CGNL1: variants seen among roughly 807,000 people sequenced by gnomAD.
CGNL1 encodes cingulin-like protein 1.
Under a neutral mutation model 141.2 loss-of-function variants are expected in CGNL1, and 132 were observed. The ratio of observed to expected loss-of-function variants is 0.93; its 90% CI spans 0.81 to 1.08. The LOEUF (loss-of-function observed/expected upper bound fraction) is 1.08. Ranked by LOEUF, CGNL1 falls within the 50% of genes least tolerant of loss-of-function variation. The pLI is 0.00. For missense variants in CGNL1, 1,870 were observed against 1,588.6 expected (o/e 1.18, Z -3.01); for synonymous variants, 690 against 622.1 (o/e 1.11, Z -1.63).
intron 1 of CGNL1, among the ~76,000 whole-genome samples, chr15:57,391,981 CT>C (rs1555429679): frequency 1.4e-3 from 207 of 151,168 alleles, no homozygotes; most frequent in South Asian, 7.2e-3. Context: ...TTTCCCCCCC[CT>C]CACCTGACAC....
intron 4 of CGNL1, among the ~76,000 whole-genome samples, chr15:57,450,566 C>G (rs1300891487): frequency 3.9e-5 from 6 of 152,118 alleles, no homozygotes; most frequent in Non-Finnish European, 5.9e-5. Flanking sequence ...ATGAGCCGCC[C>G]CACCCAGCCT....
chr15:57,401,154 T>C (rs1317882941), intron 1 of CGNL1, among the ~76,000 whole-genome samples: 3 of 152,158 alleles, frequency 2.0e-5, no homozygotes, highest in East Asian at 3.8e-4. Flanking sequence ...TTTTTGTTGG[T>C]TGTTTTTAAT....
At chr15:57,387,550 G>A (rs2062497033) in intron 1 of CGNL1, among the ~76,000 whole-genome samples, 1 of 152,180 alleles carries the variant, frequency 6.6e-6, no homozygotes, top group African/African-American at 2.4e-5. Context: ...AGAATTAGCA[G>A]CAGGAGCACA....
intron 1 of CGNL1, among the ~76,000 whole-genome samples, chr15:57,418,635 C>G (rs966253601): frequency 3.9e-5 from 6 of 152,180 alleles, no homozygotes; most frequent in Non-Finnish European, 5.9e-5. Flanking sequence ...TGCTCATAAT[C>G]ACACCCTACC....
intron 1 of CGNL1, among the ~76,000 whole-genome samples, chr15:57,434,978 C>G (rs927508063): frequency 6.6e-6 from 1 of 151,984 alleles, no homozygotes; most frequent in Admixed American, 6.6e-5. Flanking sequence ...CAATGAGACC[C>G]TAATATAGGG....
At chr15:57,406,261 C>T (rs991152886) in intron 1 of CGNL1, among the ~76,000 whole-genome samples, 36 of 152,114 alleles carry the variant, frequency 2.4e-4, no homozygotes, top group African/African-American at 8.7e-4. Context: ...GGGAAGGGCA[C>T]TGTGAAGAGG....
intron 8 of CGNL1, 65 bp downstream of exon 8, chr15:57,461,957 A>G (rs773867993): frequency 4.5e-5 from 52 of 1,166,588 alleles, no homozygotes; most frequent in Non-Finnish European, 6.0e-5. Flanking sequence ...TCTCTCCCAC[A>G]CCACTGCAAA....
intron 16 of CGNL1, among the ~76,000 whole-genome samples, chr15:57,545,158 A>C (rs1666570): frequency 0.67 from 102,015 of 152,108 alleles, 34,531 homozygotes; most frequent in Admixed American, 0.71. Flanking sequence ...GCCTTCCAGC[A>C]GTCGTTCTGA....
At chr15:57,537,489 T>G (rs2032324519) in intron 14 of CGNL1, among the ~76,000 whole-genome samples, 1 of 152,128 alleles carries the variant, frequency 6.6e-6, no homozygotes, top group Non-Finnish European at 1.5e-5. Flanking sequence ...CTGCCTTTTA[T>G]TGTATCAGCT....
intron 8 of CGNL1, among the ~76,000 whole-genome samples, chr15:57,487,808 C>T (rs2942034): frequency 0.92 from 140,767 of 152,222 alleles, 65,640 homozygotes; most frequent in Non-Finnish European, 0.99. Flanking sequence ...GAGAAAAAAA[C>T]CTTTAGATTA....
At chr15:57,451,446 T>G in intron 4 of CGNL1, 54 bp from the exon 5 acceptor site, 1 of 1,303,084 alleles carries the variant, frequency 7.7e-7, no homozygotes, top group South Asian at 1.3e-5. Context: ...GGAAGATAAT[T>G]AAAATAAAGC....
At chr15:57,534,762 T>G (rs1444111594) in intron 14 of CGNL1, among the ~76,000 whole-genome samples, 1 of 152,264 alleles carries the variant, frequency 6.6e-6, no homozygotes, top group South Asian at 2.1e-4. Flanking sequence ...GCTTGTTATC[T>G]TGAACCCAAG....
At chr15:57,515,469 C>A (rs12593650) in intron 8 of CGNL1, among the ~76,000 whole-genome samples, 25,750 of 152,060 alleles carry the variant, frequency 0.17, 2,521 homozygotes, top group East Asian at 0.45. Context: ...GGTGATACAG[C>A]CTTTAAAAGC....
In CGNL1 at chr15:57,438,765, C is replaced by T. The variant is rs753506954; in HGVS notation, c.766C>T (p.Pro256Ser). 8 of 1,614,092 alleles carry T rather than the reference C, an allele frequency of 5.0e-6. No homozygotes were observed. Among genetic ancestry groups the T allele is most frequent in the Non-Finnish European group, 6.8e-6 (8 of 1,180,002 alleles). ...GGAGGCCCTTTTCACTAGCGGGAGG[C>T]CCCTGACTGCCCACAGCCCACATGC... Reference protein sequence around the residue: ...GEEALFTSGRPLTAHSPHAHP... With the variant: ...GEEALFTSGRSLTAHSPHAHP... The change falls in exon 2 of 19, where the codon CCC (proline) becomes TCC (serine). Residue 256 changes from proline (P) to serine (S), a missense_variant. Transcript: ENST00000281282.
chr15:57,440,527 A>G, intron 3 of CGNL1, 56 bp downstream of exon 3: 1 of 1,351,188 alleles, frequency 7.4e-7, no homozygotes, highest in Non-Finnish European at 1.0e-6. Context: ...TGGGACTCTT[A>G]ATTTCCTTTT....
At chr15:57,380,165 C>G (rs1037302811) in intron 1 of CGNL1, among the ~76,000 whole-genome samples, 4 of 152,210 alleles carry the variant, frequency 2.6e-5, no homozygotes, top group African/African-American at 9.7e-5. Flanking sequence ...TCCTGAGTAG[C>G]TGGAATTACA....
At chr15:57,535,531 A>T (rs1348377026) in intron 14 of CGNL1, among the ~76,000 whole-genome samples, 1 of 152,218 alleles carries the variant, frequency 6.6e-6, no homozygotes, top group Non-Finnish European at 1.5e-5. Flanking sequence ...GATTCTAGAT[A>T]GAAGGAATGG....
chr15:57,463,466 C>T (rs563099794), intron 8 of CGNL1, among the ~76,000 whole-genome samples: 4 of 152,194 alleles, frequency 2.6e-5, no homozygotes, highest in Non-Finnish European at 2.9e-5. Context: ...TCTGTAAAAA[C>T]GAAACAGGCG....
chr15:57,417,214 T>TA (rs764824683), intron 1 of CGNL1, among the ~76,000 whole-genome samples: 4 of 152,208 alleles, frequency 2.6e-5, no homozygotes, highest in African/African-American at 4.8e-5. Context: ...TAATTGTTTA[T>TA]ACTGCCCTTT....
Sources: allele counts gnomAD v4.1 joint callset (sites outside exome capture counted in the v4.1 genomes callset), GRCh38; gene constraint gnomAD v4.1.1; transcripts MANE v1.5; gene names NCBI Gene and HGNC (gene_info 2026-07-23, HGNC 2026-07-21).